The following HSDL2 variants were observed in gnomAD, a reference collection of about 807,000 sequenced individuals.
HSDL2 encodes the protein hydroxysteroid dehydrogenase like 2.
HSDL2 carries 27 observed loss-of-function variants against 46.3 expected under a neutral mutation model. The observed-to-expected ratio is 0.58, with a 90% CI of 0.43 to 0.80. The LOEUF is 0.80. Ranked by LOEUF, HSDL2 falls within the 30% of genes least tolerant of loss-of-function variation. HSDL2 has a pLI of 0.00. For synonymous variants in HSDL2, 153 were observed against 163.6 expected, an observed-to-expected ratio of 0.94 and a Z score of 0.50; for missense variants, 451 against 502.7, an observed-to-expected ratio of 0.90 and a Z score of 0.98.
chr9:112,456,692 T>A (rs761611182), intron 9 of HSDL2, among the ~76,000 whole-genome samples: 1 of 152,208 alleles, frequency 6.6e-6, no homozygotes, highest in South Asian at 2.1e-4. Context: ...TTAGCCAGAC[T>A]TCATTTGACA....
In HSDL2 at chr9:112,405,732, T is replaced by C; in HGVS notation, c.280+10T>C. The C allele has an allele frequency of 2.7e-6, 4 of 1,504,274 alleles. No homozygotes were observed. The highest frequency in any genetic ancestry group is 3.7e-6 in the Non-Finnish European group (4 of 1,090,934). 93.2% of individuals were successfully genotyped at this position (1,504,274 alleles called of 1,614,324 possible). A position where few individuals can be genotyped will look rare whatever the true frequency, so the allele number is the denominator to read the frequency against. ...ATCAAGAAATTTGGAGGTAATACCT[T>C]CATTCTGAAAAAATTATTGGATATT... On this transcript the variant is annotated intron_variant, in intron 3 of 10. Transcript: ENST00000398805.
chr9:112,441,920 C>A, intron 8 of HSDL2, 150 bp downstream of exon 8: 1 of 577,024 alleles, frequency 1.7e-6, no homozygotes, highest in Non-Finnish European at 3.1e-6. Context: ...AATGTGAGAT[C>A]TCAGTTAATT....
rs1054550742 is a variant in HSDL2 at position 112,419,935 on chromosome 9, G to A, written c.598+977G>A. 3.9e-5 allele frequency among the ~76,000 whole-genome samples: 6 copies of A among 152,188 alleles called. No homozygotes were observed. The South Asian group carries it at 1.2e-3, about 32-fold the overall frequency. On this transcript the variant is annotated intron_variant, in intron 6 of 10. Transcript: ENST00000398805. ...TCTTATAGGTTCTTACCCTCTGCTT[G>A]TATATCAGAGTAGCTTAAAGGAAGA...
intron 6 of HSDL2, among the ~76,000 whole-genome samples, chr9:112,426,453 C>T (rs1442545074): frequency 2.0e-5 from 3 of 152,142 alleles, no homozygotes; most frequent in Non-Finnish European, 4.4e-5. Context: ...CCAGGCTAGT[C>T]TCAAACTCCT....
chr9:112,382,700 T>C (rs2132585237), intron 1 of HSDL2, among the ~76,000 whole-genome samples: 1 of 152,324 alleles, frequency 6.6e-6, no homozygotes, highest in South Asian at 2.1e-4. Context: ...AAACCCTGGT[T>C]TAAAGCCATC....
chr9:112,421,934 G>A (rs1371382029), intron 6 of HSDL2, among the ~76,000 whole-genome samples: 1 of 152,146 alleles, frequency 6.6e-6, no homozygotes, highest in Non-Finnish European at 1.5e-5. Flanking sequence ...TGTTCTCTCT[G>A]AGCTAGAGGA....
At chr9:112,433,081 G>A (rs1229690616) in intron 6 of HSDL2, among the ~76,000 whole-genome samples, 1 of 152,028 alleles carries the variant, frequency 6.6e-6, no homozygotes, top group Non-Finnish European at 1.5e-5. Flanking sequence ...GGCCTACAGG[G>A]TGCTTTTGAG....
At chr9:112,445,315 C>T (rs538983510) in intron 8 of HSDL2, among the ~76,000 whole-genome samples, 3 of 152,264 alleles carry the variant, frequency 2.0e-5, no homozygotes, top group South Asian at 4.1e-4. Flanking sequence ...GCTTTCTCTT[C>T]TGTATTCTGG....
At chr9:112,448,885 GAA>G (rs1433883967) in intron 8 of HSDL2, among the ~76,000 whole-genome samples, 2 of 151,526 alleles carry the variant, frequency 1.3e-5, no homozygotes, top group African/African-American at 2.4e-5. Context: ...TTGAAGGTTT[GAA>G]ATACCTACTA....
Position 112,383,271 on chromosome 9 carries a change from C to A in HSDL2, c.17+3091C>A, listed in dbSNP as rs1831139696. ...TAATTTTAGTAGAGATGGAGTTTCA[C>A]CATGTTGGCCAGGCTGGTCTCAAAC... is the stretch of plus-strand genomic sequence containing the variant. On this transcript the variant is annotated intron_variant, in intron 1 of 10. Transcript: ENST00000398805. Among the ~76,000 whole-genome samples the A allele has an allele frequency of 2.0e-5, 3 of 152,026 alleles. No homozygotes were observed. The South Asian group carries it at 6.2e-4, about 32-fold the overall frequency.
chr9:112,424,028 T>C (rs1286777534), intron 6 of HSDL2, among the ~76,000 whole-genome samples: 2 of 149,086 alleles, frequency 1.3e-5, no homozygotes, highest in African/African-American at 4.9e-5. Flanking sequence ...TGGTATCTTT[T>C]AAAAAAATTA....
intron 5 of HSDL2, among the ~76,000 whole-genome samples, chr9:112,418,092 T>G (rs141363880): frequency 6.6e-6 from 1 of 152,042 alleles, no homozygotes; most frequent in African/African-American, 2.4e-5. Context: ...AAGAAACATA[T>G]TAAGAGATAA....
chr9:112,401,559 A>T (rs982761541), intron 1 of HSDL2, among the ~76,000 whole-genome samples: 1 of 152,150 alleles, frequency 6.6e-6, no homozygotes, highest in African/African-American at 2.4e-5. Context: ...TGTAACAATC[A>T]ATCTTAGCTC....
At chr9:112,418,289 A>C (rs1472025057) in intron 5 of HSDL2, among the ~76,000 whole-genome samples, 1 of 152,058 alleles carries the variant, frequency 6.6e-6, no homozygotes, top group Non-Finnish European at 1.5e-5. Context: ...ATTCTCAAAA[A>C]TATATCAGGG....
chr9:112,388,895 A>T (rs1831276668), intron 1 of HSDL2, among the ~76,000 whole-genome samples: 1 of 152,202 alleles, frequency 6.6e-6, no homozygotes, highest in Admixed American at 6.5e-5. Context: ...GTCAATTAAA[A>T]GCACTACCCT....
chr9:112,411,559 G>C (rs1018699870), intron 4 of HSDL2, among the ~76,000 whole-genome samples: 3 of 152,060 alleles, frequency 2.0e-5, no homozygotes, highest in African/African-American at 7.2e-5. Flanking sequence ...ACCTGTTACT[G>C]GACTATTCCG....
chr9:112,410,871 G>A (rs2132631695), intron 4 of HSDL2, among the ~76,000 whole-genome samples: 1 of 152,316 alleles, frequency 6.6e-6, no homozygotes, highest in Non-Finnish European at 1.5e-5. Flanking sequence ...GGACGTTGCT[G>A]TGAGCTGAGA....
At chr9:112,463,567 A>C (rs1479022728) in intron 10 of HSDL2, among the ~76,000 whole-genome samples, 4 of 152,234 alleles carry the variant, frequency 2.6e-5, no homozygotes, top group African/African-American at 7.2e-5. Context: ...CTTGCAGAGC[A>C]GGGTTAACTC....
chr9:112,403,592 A>G (rs1003843320), intron 1 of HSDL2, among the ~76,000 whole-genome samples: 18 of 152,248 alleles, frequency 1.2e-4, no homozygotes, highest in African/African-American at 4.3e-4. Context: ...GAAACTTTGA[A>G]AAATATTAAA....
Sources: allele counts gnomAD v4.1 joint callset (sites outside exome capture counted in the v4.1 genomes callset), GRCh38; gene constraint gnomAD v4.1.1; transcripts MANE v1.5; gene names NCBI Gene and HGNC (gene_info 2026-07-23, HGNC 2026-07-21).